The following CRYBG3 variants were observed in gnomAD, a reference collection of about 807,000 sequenced individuals.
The protein encoded by CRYBG3 is very large A-kinase anchor protein.
A neutral mutation model predicts 244.2 loss-of-function variants in CRYBG3; 127 were observed. The observed-to-expected ratio is 0.52, with a 90% CI of 0.45 to 0.60. CRYBG3 has a LOEUF of 0.60. CRYBG3 is among the 20% of genes least tolerant of loss of function. The probability of loss-of-function intolerance (pLI) is 0.00; values close to 1 mark genes in which losing one functional copy is unlikely to be tolerated. For missense variants in CRYBG3, 3,325 were observed against 3,442.5 expected, an observed-to-expected ratio of 0.97 and a Z score of 0.85; for synonymous variants, 1,132 against 1,195.8, an observed-to-expected ratio of 0.95 and a Z score of 1.10.
intron 15 of CRYBG3, among the ~76,000 whole-genome samples, chr3:97,907,141 G>T (rs914667927): frequency 1.3e-5 from 2 of 152,038 alleles, no homozygotes; most frequent in Non-Finnish European, 1.5e-5. Flanking sequence ...TGCTGGATTC[G>T]GTTTGCCAGT....
intron 5 of CRYBG3, 51 bp from the exon 6 acceptor site, chr3:97,879,934 A>C (rs370278019): frequency 9.5e-7 from 1 of 1,047,390 alleles, no homozygotes; most frequent in African/African-American, 1.6e-5. Context: ...TTTAAAATAC[A>C]TTCTAAAAAT....
intron 2 of CRYBG3, among the ~76,000 whole-genome samples, chr3:97,846,871 G>A (rs1231453591): frequency 6.6e-6 from 1 of 151,970 alleles, no homozygotes; most frequent in Non-Finnish European, 1.5e-5. Flanking sequence ...AGCTGTTTTT[G>A]CATTGCTATA....
Position 97,823,395 on chromosome 3 carries a change from T to C in CRYBG3, c.149+1040T>C, listed in dbSNP as rs77760068. On this transcript the variant is annotated intron_variant, in intron 1 of 21. Coordinates refer to ENST00000389622, the MANE Select transcript of CRYBG3 (RefSeq NM_153605.4). ...CAGAACTGAGAGTGAGCCAATTCCATTAGTATTCAGATTTTGTGATGTGAT... is the reference window on the plus strand; with the variant it reads ...CAGAACTGAGAGTGAGCCAATTCCACTAGTATTCAGATTTTGTGATGTGAT... 1.2e-3 allele frequency among the ~76,000 whole-genome samples: 182 copies of C among 152,294 alleles called. 2 individuals are homozygous for C. The East Asian group carries it at 0.035, about 29-fold the overall frequency.
Position 97,876,312 on chromosome 3 carries a change from A to G in CRYBG3, c.5118A>G (p.Glu1706=), listed in dbSNP as rs541599449. Residue 1706 remains glutamate (E), a synonymous_variant, in exon 4 of 22, where the codon GAA becomes GAG. Transcript: ENST00000389622. ...KGGEGISEKA[E]VIPVTLAMEN... ...GTGAAGGGATTAGTGAAAAGGCTGA[A>G]GTGATACCCGTTACATTAGCAATGG... The G allele has an allele frequency of 1.8e-5, 22 of 1,231,976 alleles. No individual in the cohort carries two copies. In the African/African-American group the frequency reaches 2.8e-4, roughly 16 times the overall value. 76.3% of individuals were successfully genotyped at this position (1,231,976 alleles called of 1,614,324 possible). A position where few individuals can be genotyped will look rare whatever the true frequency, so the allele number is the denominator to read the frequency against.
chr3:97,862,047 C>T (rs1220140330), intron 2 of CRYBG3, among the ~76,000 whole-genome samples: 3 of 151,178 alleles, frequency 2.0e-5, no homozygotes, highest in East Asian at 1.9e-4. Context: ...ATAGGGATTC[C>T]GGAATAGCAA....
intron 19 of CRYBG3, among the ~76,000 whole-genome samples, chr3:97,937,561 C>G (rs192654022): frequency 1.3e-5 from 2 of 152,052 alleles, no homozygotes; most frequent in African/African-American, 4.8e-5. Flanking sequence ...ATGCCTCCCC[C>G]ACCTTCTCTC....
chr3:97,826,883 G>A (rs1289085985), intron 1 of CRYBG3, among the ~76,000 whole-genome samples: 2 of 152,194 alleles, frequency 1.3e-5, no homozygotes, highest in Non-Finnish European at 2.9e-5. Flanking sequence ...GACTTGTTTC[G>A]TTCAGAGCAT....
chr3:97,827,783 CAA>C (rs34210618), intron 1 of CRYBG3, among the ~76,000 whole-genome samples: 67,339 of 151,772 alleles, frequency 0.44, 16,119 homozygotes, highest in East Asian at 0.67. Context: ...AGTAGGTAAT[CAA>C]AAGTCTCACA....
rs1327201679 is a variant in CRYBG3, at chr3:97,872,845, A to G, written c.1651A>G (p.Lys551Glu). 1.3e-6 allele frequency: 2 copies of G among 1,535,910 alleles called. No homozygotes were observed. Among genetic ancestry groups the G allele is most frequent in the Non-Finnish European group, 8.7e-7 (1 of 1,146,830 alleles). Reference protein sequence around the residue: ...ASSHVKAPEDKIESLPKDTDQ... With the variant: ...ASSHVKAPEDEIESLPKDTDQ... Reference sequence around the variant, plus strand: ...AAGTCATGTAAAAGCTCCAGAAGATAAAATTGAGTCATTACCCAAAGATAC... The same window carrying G: ...AAGTCATGTAAAAGCTCCAGAAGATGAAATTGAGTCATTACCCAAAGATAC... The change falls in exon 4 of 22, where the codon AAA (lysine) becomes GAA (glutamate). Residue 551 changes from lysine to glutamate, a missense_variant. Lys to Glu is a moderately conservative substitution (Grantham distance 56, BLOSUM62 1). Transcript: ENST00000389622.
Position 97,881,182 on chromosome 3 carries a change from G to A in CRYBG3, c.7115G>A (p.Arg2372Lys). Reference protein sequence around the residue: ...WILQNRRHPQRNFILGSLKRV... With the variant: ...WILQNRRHPQKNFILGSLKRV... The stretch of plus-strand genomic sequence containing the variant: ...CTTCAGAACAGAAGGCATCCACAAA[G>A]AAACTTTATATTGGGTTCTCTCAAA... The change falls in exon 7 of 22, where the codon AGA becomes AAA. Residue 2372 changes from arginine to lysine, a missense_variant. This residue lies in a region of CRYBG3 where 714 missense variants were observed against 803.6 expected (regional missense o/e 0.89). Coordinates refer to ENST00000389622, the MANE Select transcript of CRYBG3 (RefSeq NM_153605.4). 1 of 1,610,344 alleles carries A rather than the reference G, an allele frequency of 6.2e-7. No individual in the cohort carries two copies. The highest frequency in any genetic ancestry group is 8.5e-7 in the Non-Finnish European group (1 of 1,178,250).
Position 97,942,356 on chromosome 3 carries a change from CA to C in CRYBG3, c.8738del (p.His2913LeufsTer10), listed in dbSNP as rs1381161416. 1 of 1,611,800 alleles carries C rather than the reference CA, an allele frequency of 6.2e-7. No individual in the cohort carries two copies. The highest frequency in any genetic ancestry group is 1.3e-5 in the African/African-American group (1 of 74,772). The stretch of plus-strand genomic sequence containing the variant: ...AGCTAAAGTAGCTCTATGGACTGAA[CA>C]TGGGCAATTCAGGCAGAAGTGGAGA... ...PGAKVALWTE[H>X]GQFRQKWRLN... On this transcript the variant is annotated frameshift_variant, in exon 21 of 22. Coordinates refer to ENST00000389622, the MANE Select transcript of CRYBG3 (RefSeq NM_153605.4). LOFTEE classifies it high-confidence loss of function.
At position 97,874,923 on chromosome 3, in the gene CRYBG3, C is replaced by A; in HGVS notation, c.3729C>A (p.Ile1243=). Residue 1243 remains isoleucine, a synonymous_variant, in exon 4 of 22, where the codon ATC becomes ATA. Transcript: ENST00000389622. ...ATCTGGGTACCCTGAAAGAAGACAT[C>A]TCTGAGAAAAACCCATCAGAAGTGA... ...IMNLGTLKED[I]SEKNPSEVTL... 1 of 1,535,514 alleles carries A rather than the reference C, an allele frequency of 6.5e-7. No homozygotes were observed. The highest frequency in any genetic ancestry group is 1.4e-5 in the African/African-American group (1 of 73,112).
rs755629143 is a variant in CRYBG3 at position 97,874,740 on chromosome 3, G to C, written c.3546G>C (p.Arg1182Ser). Residue 1182 changes from arginine to serine, a missense_variant, in exon 4 of 22, where the codon AGG (arginine) becomes AGC (serine). This residue lies in a region of CRYBG3 where 1,526 missense variants were observed against 1,443.2 expected (regional missense o/e 1.06). Coordinates refer to ENST00000389622, the MANE Select transcript of CRYBG3 (RefSeq NM_153605.4). ...SEASAEHIEARRRAHDQLLDL... is the reference protein window; with the variant it reads ...SEASAEHIEASRRAHDQLLDL... ...CCTCTGCTGAGCACATAGAAGCCAG[G>C]AGAAGAGCACATGACCAACTTTTGG... is the stretch of plus-strand genomic sequence containing the variant. 2.9e-5 allele frequency: 45 copies of C among 1,535,806 alleles called. No homozygotes were observed. The highest frequency in any genetic ancestry group is 3.9e-5 in the Non-Finnish European group (45 of 1,146,832).
At chr3:97,902,404 A>C (rs2039716494) in intron 15 of CRYBG3, among the ~76,000 whole-genome samples, 1 of 152,148 alleles carries the variant, frequency 6.6e-6, no homozygotes, top group South Asian at 2.1e-4. Flanking sequence ...TATTGGTGGA[A>C]CATCACTTTT....
In CRYBG3 at chr3:97,912,195, A is replaced by G. The variant is rs1386246688; in HGVS notation, c.8033A>G (p.Gln2678Arg). The G allele has an allele frequency of 1.2e-6, 2 of 1,603,474 alleles. No homozygotes were observed. Among genetic ancestry groups the G allele is most frequent in the Admixed American group, 3.4e-5 (2 of 58,518 alleles). The change falls in exon 16 of 22, where the codon CAA becomes CGA. Residue 2678 changes from glutamine to arginine, a missense_variant. Coordinates refer to ENST00000389622, the MANE Select transcript of CRYBG3 (RefSeq NM_153605.4). ...LLKAFSKPGF[Q>R]GECIDFTEET... Reference sequence around the variant, plus strand: ...AAAGCATTCAGCAAACCAGGGTTCCAAGGTGAATGTATAGATTTTACAGAA... The same window carrying G: ...AAAGCATTCAGCAAACCAGGGTTCCGAGGTGAATGTATAGATTTTACAGAA...
At chr3:97,861,708 G>A (rs891315944) in intron 2 of CRYBG3, among the ~76,000 whole-genome samples, 2 of 152,090 alleles carry the variant, frequency 1.3e-5, no homozygotes, top group African/African-American at 4.8e-5. Flanking sequence ...CTCATTCATT[G>A]CTACAATGGT....
chr3:97,863,615 T>C (rs2039182889), intron 2 of CRYBG3, among the ~76,000 whole-genome samples: 1 of 152,146 alleles, frequency 6.6e-6, no homozygotes, highest in East Asian at 1.9e-4. Context: ...GTGCCAGCTT[T>C]ATGGGTTAAC....
chr3:97,930,791 G>T (rs1361806127), intron 17 of CRYBG3, among the ~76,000 whole-genome samples: 1 of 152,052 alleles, frequency 6.6e-6, no homozygotes, highest in African/African-American at 2.4e-5. Context: ...GGAACTTCTG[G>T]AAGATGCTTT....
chr3:97,856,096 C>T (rs1276310384), intron 2 of CRYBG3, among the ~76,000 whole-genome samples: 1 of 152,044 alleles, frequency 6.6e-6, no homozygotes, highest in Non-Finnish European at 1.5e-5. Context: ...ACGGGCACAC[C>T]TAAGGGGGCC....
Sources: allele counts gnomAD v4.1 joint callset (sites outside exome capture counted in the v4.1 genomes callset), GRCh38; gene constraint gnomAD v4.1.1; regional missense constraint gnomAD v4.1.1; transcripts MANE v1.5; gene names NCBI Gene and HGNC (gene_info 2026-07-23, HGNC 2026-07-21).